The following TBC1D9 variants were observed in gnomAD, a reference collection of about 807,000 sequenced individuals.
TBC1D9 encodes TBC1 domain family member 9A.
TBC1D9 carries 63 observed loss-of-function variants against 132.0 expected under a neutral mutation model. The observed-to-expected ratio is 0.48, with a 90% CI of 0.39 to 0.59. The LOEUF is 0.59. Among genes scored for constraint, TBC1D9 ranks in the 20% least tolerant of loss-of-function variants. TBC1D9 has a pLI of 0.00. For missense variants in TBC1D9, 1,261 were observed against 1,592.7 expected, an observed-to-expected ratio of 0.79 and a Z score of 3.54; for synonymous variants, 610 against 609.9, an observed-to-expected ratio of 1.00 and a Z score of 0.00.
rs201815415 is a variant in TBC1D9, at chr4:140,628,309, C to T, written c.2803G>A (p.Val935Ile). The change falls in exon 17 of 21, where the codon GTC becomes ATC. Residue 935 changes from valine (V) to isoleucine (I), a missense_variant. Val to Ile is a conservative substitution (Grantham distance 29). Coordinates refer to ENST00000442267, the MANE Select transcript of TBC1D9 (RefSeq NM_015130.3). ...CATGTAGCTCACTCACCAGGCAAGA[C>T]GTGCATTTTGTACAGGAGTTTGAGC... ...EKLKLLYKMH[V>I]LPEPSSDQDE... The T allele has an allele frequency of 1.3e-3, 2,045 of 1,613,888 alleles. 4 individuals are homozygous for T. Among genetic ancestry groups the T allele is most frequent in the Non-Finnish European group, 1.6e-3 (1,914 of 1,179,776 alleles).
intron 1 of TBC1D9, among the ~76,000 whole-genome samples, chr4:140,723,953 G>C (rs866569043): frequency 1.3e-5 from 2 of 151,972 alleles, no homozygotes; most frequent in Admixed American, 1.3e-4. Flanking sequence ...ATTTTGCCTA[G>C]GCTGGTCTCA....
In TBC1D9 at chr4:140,722,483, T is replaced by C. The variant is rs1442182738; in HGVS notation, c.131-20869A>G. Among the ~76,000 whole-genome samples the C allele has an allele frequency of 2.6e-5, 4 of 152,204 alleles. No homozygotes were observed. The East Asian group carries it at 7.7e-4, about 29-fold the overall frequency. ...AATTCATTTATCATTCAATCATTTG[T>C]TCATCTGGGAAACATTTGCTAAGTG... On this transcript the variant is annotated intron_variant, in intron 1 of 20. Transcript: ENST00000442267.
intron 3 of TBC1D9, among the ~76,000 whole-genome samples, chr4:140,680,926 G>A (rs1047489188): frequency 6.6e-6 from 1 of 152,102 alleles, no homozygotes; most frequent in Admixed American, 6.5e-5. Context: ...ACCACCACCA[G>A]TATAAAGTCC....
intron 10 of TBC1D9, 49 bp downstream of exon 10, chr4:140,661,844 A>G (rs557930760): frequency 6.8e-7 from 1 of 1,474,750 alleles, no homozygotes; most frequent in South Asian, 1.2e-5. Context: ...TGCCAAATGA[A>G]TAGAAATTTT....
In TBC1D9 at chr4:140,756,034, G is replaced by A. The variant is rs369903334; in HGVS notation, c.12C>T (p.Asn4=). 4.4e-6 allele frequency: 7 copies of A among 1,608,066 alleles called. No homozygotes were observed. In the African/African-American group the frequency reaches 5.4e-5, roughly 12 times the overall value. The change falls in exon 1 of 21, where the codon AAC becomes AAT. Residue 4 remains asparagine, a synonymous_variant. Transcript: ENST00000442267. The surrounding 1 kb of genome is among the most constrained non-coding windows in gnomAD (Gnocchi z 5.6). ...CGTTGGCCAGCAACACCTCCTCCGG[G>A]TTCACCCACATGGTCCTGGCTGCCG... is the stretch of plus-strand genomic sequence containing the variant. MWV[N]PEEVLLANAL... is the part of the protein sequence containing the mutation.
chr4:140,706,323 G>A lies in TBC1D9; in HGVS notation c.131-4709C>T, dbSNP rs1738151368. Among the ~76,000 whole-genome samples, 1 of 152,184 alleles carries A rather than the reference G, an allele frequency of 6.6e-6. No individual in the cohort carries two copies. Among genetic ancestry groups the A allele is most frequent in the African/African-American group, 2.4e-5 (1 of 41,444 alleles). On this transcript the variant is annotated intron_variant, in intron 1 of 20. Coordinates refer to ENST00000442267, the MANE Select transcript of TBC1D9 (RefSeq NM_015130.3). This position sits in a 1 kb window ranked among gnomAD's most constrained non-coding sequence, Gnocchi z 4.0. ...AGATCCAGGAAATCCATGGCAGAGTGGTCAGGGGAGTGGGCTCAGCTTTGG... is the reference window on the plus strand; with the variant it reads ...AGATCCAGGAAATCCATGGCAGAGTAGTCAGGGGAGTGGGCTCAGCTTTGG...
intron 2 of TBC1D9, among the ~76,000 whole-genome samples, chr4:140,689,876 G>A (rs1211507148): frequency 7.4e-5 from 11 of 148,756 alleles, no homozygotes; most frequent in South Asian, 2.2e-4. Context: ...AGTCTCCCCA[G>A]TAGCTGGCAT....
chr4:140,722,842 C>T (rs1488177932), intron 1 of TBC1D9, among the ~76,000 whole-genome samples: 1 of 152,130 alleles, frequency 6.6e-6, no homozygotes, highest in Admixed American at 6.5e-5. Context: ...CCTGTCCTTT[C>T]CTTCTCAGAA....
intron 1 of TBC1D9, among the ~76,000 whole-genome samples, chr4:140,715,160 G>C (rs1054714556): frequency 3.9e-5 from 6 of 152,158 alleles, no homozygotes; most frequent in Non-Finnish European, 1.5e-5. Context: ...AAGCAAGTCT[G>C]TTTTGTCAGT....
In TBC1D9 at chr4:140,679,072, T is replaced by C. The variant is rs575883930; in HGVS notation, c.721A>G (p.Thr241Ala). ...FFSVFLNINETFKLMEQLANI... is the reference protein window; with the variant it reads ...FFSVFLNINEAFKLMEQLANI... ...GCAAGCTGCTCCATTAACTTGAAGG[T>C]CTCGTTGATGTTGAGGAATACAGAG... is the stretch of plus-strand genomic sequence containing the variant. The change falls in exon 5 of 21, where the codon ACC becomes GCC. Residue 241 changes from threonine to alanine, a missense_variant. Transcript: ENST00000442267. 7 of 1,613,828 alleles carry C rather than the reference T, an allele frequency of 4.3e-6. No individual in the cohort carries two copies. Among genetic ancestry groups the C allele is most frequent in the Non-Finnish European group, 4.2e-6 (5 of 1,179,868 alleles).
intron 9 of TBC1D9, among the ~76,000 whole-genome samples, chr4:140,665,109 G>GAAAAAA (rs373062026): frequency 1.7e-5 from 1 of 60,140 alleles, no homozygotes. Context: ...TCAGTCTCCA[G>GAAAAAA]AAAAAAAAAA....
intron 13 of TBC1D9, among the ~76,000 whole-genome samples, chr4:140,653,786 AGGCACTG>A (rs1737222678): frequency 1.3e-5 from 2 of 152,198 alleles, no homozygotes; most frequent in Non-Finnish European, 2.9e-5. Flanking sequence ...CTGGTAATAT[AGGCACTG>A]ATATAAATTA....
chr4:140,715,457 C>T (rs1233123381), intron 1 of TBC1D9, among the ~76,000 whole-genome samples: 1 of 152,156 alleles, frequency 6.6e-6, no homozygotes, highest in Admixed American at 6.5e-5. Context: ...TTCATAGTAC[C>T]TTGAATGACT....
rs115244215 is a variant in TBC1D9, at chr4:140,642,490, C to G, written c.2338-3062G>C. Reference sequence around the variant, plus strand: ...GCCCCTGCCAGTTTTTGATTTCCCCCCAGCACTGTCTGAAAACTTGAAGGG... The same window carrying G: ...GCCCCTGCCAGTTTTTGATTTCCCCGCAGCACTGTCTGAAAACTTGAAGGG... On this transcript the variant is annotated intron_variant, in intron 13 of 20. Coordinates refer to ENST00000442267, the MANE Select transcript of TBC1D9 (RefSeq NM_015130.3). 1.6e-3 allele frequency: 1,720 copies of G among 1,084,782 alleles called. 13 individuals carry two copies. The highest frequency in any genetic ancestry group is 0.013 in the Middle Eastern group (68 of 5,042). The allele number at this position is 1,084,782 out of a possible 1,614,324, so 67.2% of individuals were successfully genotyped here. A position where few individuals can be genotyped will look rare whatever the true frequency, so the allele number is the denominator to read the frequency against.
rs546097111 is a variant in TBC1D9 at position 140,691,650 on chromosome 4, G to T, written c.242-5188C>A. ...TGGGTATGAGAATCCTTCAGGAAATGCAAGTTAAAGCACTCTGCTGTGGCT... is the reference window on the plus strand; with the variant it reads ...TGGGTATGAGAATCCTTCAGGAAATTCAAGTTAAAGCACTCTGCTGTGGCT... On this transcript the variant is annotated intron_variant, in intron 2 of 20. Coordinates refer to ENST00000442267, the MANE Select transcript of TBC1D9 (RefSeq NM_015130.3). Among the ~76,000 whole-genome samples the T allele has an allele frequency of 3.9e-5, 6 of 152,328 alleles. No individual in the cohort carries two copies. The East Asian group carries it at 1.2e-3, about 29-fold the overall frequency.
intron 1 of TBC1D9, among the ~76,000 whole-genome samples, chr4:140,703,665 T>C (rs975707031): frequency 2.8e-4 from 42 of 152,124 alleles, no homozygotes; most frequent in African/African-American, 8.7e-4. Context: ...AAAAAATCCA[T>C]TTAGATTCAC....
chr4:140,679,553 G>A (rs1737674457), intron 4 of TBC1D9, 62 bp downstream of exon 4: 1 of 1,172,690 alleles, frequency 8.5e-7, no homozygotes, highest in African/African-American at 1.5e-5. Flanking sequence ...TGTGGTTTAT[G>A]AGTTCAGGGC....
At chr4:140,628,391 G>A in intron 16 of TBC1D9, 26 bp from the exon 17 acceptor site, 5 of 1,598,270 alleles carry the variant, frequency 3.1e-6, no homozygotes, top group South Asian at 1.1e-5. Flanking sequence ...GTACCAATGT[G>A]AAATGCATCA....
chr4:140,703,176 C>T (rs886947795), intron 1 of TBC1D9, among the ~76,000 whole-genome samples: 2 of 152,152 alleles, frequency 1.3e-5, no homozygotes, highest in Admixed American at 1.3e-4. Context: ...AGGCTAAAGG[C>T]CCCAGCCTCC....
Sources: gnomAD v4.1 joint callset for allele counts (sites outside exome capture counted in the v4.1 genomes callset) on GRCh38, gnomAD v4.1.1 for gene constraint, Gnocchi (gnomAD v3.1) non-coding constraint, MANE v1.5 for transcripts, NCBI Gene and HGNC (gene_info 2026-07-23, HGNC 2026-07-21) for gene names.